Variants in SMG5 observed in about 807,000 individuals in gnomAD.
SMG5 encodes the protein nonsense-mediated mRNA decay factor SMG5.
A neutral mutation model predicts 122.9 loss-of-function variants in SMG5; 53 were observed. The ratio of observed to expected loss-of-function variants is 0.43; its 90% confidence interval spans 0.35 to 0.54. The LOEUF is 0.54. Among genes scored for constraint, SMG5 ranks in the 20% least tolerant of loss-of-function variants. The pLI, the probability that SMG5 is intolerant of heterozygous loss-of-function variation, is 0.01. For missense variants in SMG5, 1,153 were observed against 1,285.6 expected (o/e 0.90, Z 1.58); for synonymous variants, 477 against 490.2 (o/e 0.97, Z 0.35).
chr1:156,249,977 C>T lies in SMG5; in HGVS notation c.*610G>A, dbSNP rs1460981685. On this transcript the variant is annotated 3_prime_UTR_variant, in exon 22 of 22. Coordinates refer to ENST00000361813, the MANE Select transcript of SMG5 (RefSeq NM_015327.3). Reference sequence around the variant, plus strand: ...CCCCTGCAGCAGGAGGAGGAGCACACGAACCCTGACCCTGCTACTCGGTGC... The same window carrying T: ...CCCCTGCAGCAGGAGGAGGAGCACATGAACCCTGACCCTGCTACTCGGTGC... The T allele has an allele frequency of 2.6e-5, 12 of 469,670 alleles. No individual in the cohort carries two copies. The highest frequency in any genetic ancestry group is 6.9e-5 in the East Asian group (1 of 14,404). The allele number at this position is 469,670 out of a possible 1,614,324, so 29.1% of individuals were successfully genotyped here. A position where few individuals can be genotyped will look rare whatever the true frequency, so the allele number is the denominator to read the frequency against.
At chr1:156,265,217 T>C (rs1341517558) in intron 12 of SMG5, among the ~76,000 whole-genome samples, 1 of 136,746 alleles carries the variant, frequency 7.3e-6, no homozygotes, top group Admixed American at 8.1e-5. Flanking sequence ...GGTAAGACCC[T>C]GTCTTTAAAA....
chr1:156,268,892 A>C (rs1558241109), intron 7 of SMG5, among the ~76,000 whole-genome samples: 1 of 152,150 alleles, frequency 6.6e-6, no homozygotes, highest in Non-Finnish European at 1.5e-5. Context: ...ACAGATGAGG[A>C]CACATAGCCT....
chr1:156,285,497 C>G, upstream of SMG5: 1 of 1,614,182 alleles, frequency 6.2e-7, no homozygotes, highest in Non-Finnish European at 8.5e-7. Flanking sequence ...GTTCCCGGAT[C>G]CCCCTGGCTG....
In SMG5 at chr1:156,272,302, G is replaced by A; in HGVS notation, c.713+18C>T. The A allele has an allele frequency of 1.9e-6, 3 of 1,579,374 alleles. No homozygotes were observed. Among genetic ancestry groups the A allele is most frequent in the Non-Finnish European group, 1.7e-6 (2 of 1,159,088 alleles). ...GCACACAAAAGCAGGGCTGGAAAAA[G>A]AGCTGGCAAATACTCACCAGCGCAG... is the stretch of plus-strand genomic sequence containing the variant. On this transcript the variant is annotated intron_variant, in intron 7 of 21. Coordinates refer to ENST00000361813, the MANE Select transcript of SMG5 (RefSeq NM_015327.3).
At chr1:156,276,918 A>G (rs1662708410) in intron 4 of SMG5, among the ~76,000 whole-genome samples, 167 bp downstream of exon 4, 1 of 152,172 alleles carries the variant, frequency 6.6e-6, no homozygotes, top group East Asian at 1.9e-4. Flanking sequence ...CTTTACCCTA[A>G]CTCATATGAT....
Position 156,267,497 on chromosome 1 carries a change from T to A in SMG5, c.1090A>T (p.Met364Leu), listed in dbSNP as rs1490653156. 1 of 1,613,942 alleles carries A rather than the reference T, an allele frequency of 6.2e-7. No homozygotes were observed. The highest frequency in any genetic ancestry group is 8.5e-7 in the Non-Finnish European group (1 of 1,179,990). ...LIFQMVIICL[M>L]CVHSLERAGS... ...GCTCTCTCCAAGCTGTGCACACACA[T>A]AAGGCAGATGATGACCATTTGAAAG... The change falls in exon 10 of 22, where the codon ATG (methionine) becomes TTG (leucine). Residue 364 changes from methionine to leucine, a missense_variant. Met to Leu is a conservative substitution (Grantham distance 15). Coordinates refer to ENST00000361813, the MANE Select transcript of SMG5 (RefSeq NM_015327.3).
intron 18 of SMG5, 128 bp downstream of exon 18, chr1:156,252,791 T>C (rs1001201379): frequency 9.9e-7 from 1 of 1,011,590 alleles, no homozygotes; most frequent in African/African-American, 1.6e-5. Context: ...AAGTGACGGG[T>C]TCACAAAGGT....
rs1215097427 is a variant in SMG5 at position 156,265,059 on chromosome 1, A to ACT, written c.1855+721_1855+722insAG. Among the ~76,000 whole-genome samples, 3 of 147,700 alleles carry ACT rather than the reference A, an allele frequency of 2.0e-5. No individual in the cohort carries two copies. The East Asian group carries it at 6.0e-4, about 29-fold the overall frequency. ...AATACACACACACACACACACACAC[A>ACT]CACACACACACACAAAAGCCGGGCA... On this transcript the variant is annotated intron_variant, in intron 12 of 21. Coordinates refer to ENST00000361813, the MANE Select transcript of SMG5 (RefSeq NM_015327.3).
intron 20 of SMG5, 104 bp from the exon 21 acceptor site, chr1:156,251,100 A>G: frequency 7.0e-7 from 1 of 1,437,390 alleles, no homozygotes; most frequent in Non-Finnish European, 9.5e-7. Context: ...CTGGGAGGGC[A>G]GTGAGCAGCA....
In SMG5 at chr1:156,251,276, A is replaced by AG. The variant is rs1310610329; in HGVS notation, c.2828+126dup. On this transcript the variant is annotated intron_variant, in intron 20 of 21. Coordinates refer to ENST00000361813, the MANE Select transcript of SMG5 (RefSeq NM_015327.3). Reference sequence around the variant, plus strand: ...GTACTCCTCGCAAGGTGAGGCCTGCAGGAGGGCCCTGGCAGGCTACGTGTG... The same window carrying AG: ...GTACTCCTCGCAAGGTGAGGCCTGCAGGGAGGGCCCTGGCAGGCTACGTGTG... 5 of 1,138,652 alleles carry AG rather than the reference A, an allele frequency of 4.4e-6. No homozygotes were observed. In the African/African-American group the frequency reaches 7.6e-5, roughly 17 times the overall value. The allele number at this position is 1,138,652 out of a possible 1,614,324, so 70.5% of individuals were successfully genotyped here.
chr1:156,250,506 G>T lies in SMG5; in HGVS notation c.*81C>A. ...TGCATGAGTCTGCGTGTGGTGGGGT[G>T]ACTACAGGTGCTGGTCCTGGCTGCC... On this transcript the variant is annotated 3_prime_UTR_variant, in exon 22 of 22. Transcript: ENST00000361813. 8.2e-7 allele frequency: 1 copy of T among 1,218,156 alleles called. No homozygotes were observed. The highest frequency in any genetic ancestry group is 1.2e-5 in the South Asian group (1 of 81,546). The allele number at this position is 1,218,156 out of a possible 1,614,324, so 75.5% of individuals were successfully genotyped here.
At chr1:156,253,567 C>A in intron 16 of SMG5, 59 bp from the exon 17 acceptor site, 5 of 1,533,858 alleles carry the variant, frequency 3.3e-6, no homozygotes, top group Non-Finnish European at 4.5e-6. Flanking sequence ...CTCCAGTGAT[C>A]AGGAAGACCA....
At chr1:156,263,176 C>T (rs1316407718) in intron 13 of SMG5, among the ~76,000 whole-genome samples, 1 of 152,250 alleles carries the variant, frequency 6.6e-6, no homozygotes, top group Admixed American at 6.5e-5. Flanking sequence ...GCAAAATAAG[C>T]AGCTCGCTAA....
chr1:156,255,722 C>CA (rs1305792141), intron 16 of SMG5, among the ~76,000 whole-genome samples: 5 of 151,292 alleles, frequency 3.3e-5, no homozygotes, highest in Admixed American at 6.6e-5. Flanking sequence ...CACATTTCTA[C>CA]AAAAAAAAGT....
rs1334055732 is a variant in SMG5 at position 156,272,400 on chromosome 1, T to G, written c.635-2A>C. 1 of 1,598,728 alleles carries G rather than the reference T, an allele frequency of 6.3e-7. No homozygotes were observed. The highest frequency in any genetic ancestry group is 8.5e-7 in the Non-Finnish European group (1 of 1,170,748). On this transcript the variant is annotated splice_acceptor_variant, in intron 6 of 21. Coordinates refer to ENST00000361813, the MANE Select transcript of SMG5 (RefSeq NM_015327.3). LOFTEE classifies it high-confidence loss of function. ...TGCCCAGCTGATTGAAGGGCATTCC[T>G]AGGGAGAAAGAGAATTCATGCAGTC...
chr1:156,256,296 G>C (rs1055814924), intron 16 of SMG5, among the ~76,000 whole-genome samples: 6 of 146,954 alleles, frequency 4.1e-5, no homozygotes, highest in African/African-American at 9.9e-5. Context: ...GCCTAGGTGA[G>C]AGCCATCTTC....
intron 12 of SMG5, among the ~76,000 whole-genome samples, chr1:156,264,386 C>A (rs1168399041): frequency 1.3e-5 from 2 of 150,964 alleles, no homozygotes; most frequent in Admixed American, 6.6e-5. Flanking sequence ...TTCTGCCATT[C>A]ACTCAGTCAT....
upstream of SMG5, chr1:156,285,499 C>T (rs1239876297): frequency 1.2e-6 from 2 of 1,614,176 alleles, no homozygotes; most frequent in Non-Finnish European, 1.7e-6. Context: ...TCCCGGATCC[C>T]CCTGGCTGGC....
intron 5 of SMG5, among the ~76,000 whole-genome samples, chr1:156,273,705 TTTG>T (rs1343378108): frequency 6.7e-6 from 1 of 149,196 alleles, no homozygotes; most frequent in Non-Finnish European, 1.5e-5. Context: ...CTCTTCTTTT[TTTG>T]TTTTGTTTTC....
Sources: gnomAD v4.1 joint callset for allele counts (sites outside exome capture counted in the v4.1 genomes callset) on GRCh38, gnomAD v4.1.1 for gene constraint, MANE v1.5 for transcripts, NCBI Gene and HGNC (gene_info 2026-07-23, HGNC 2026-07-21) for gene names.